Variants in PPP3CC observed in about 807,000 individuals in gnomAD.
PPP3CC encodes serine/threonine-protein phosphatase 2B catalytic subunit gamma isoform.
Under a neutral mutation model 60.3 loss-of-function variants are expected in PPP3CC, and 35 were observed. That is an observed-to-expected ratio of 0.58 (90% confidence interval 0.44 to 0.77). The LOEUF (loss-of-function observed/expected upper bound fraction) is 0.77. Among genes scored for constraint, PPP3CC ranks in the 30% least tolerant of loss-of-function variants. The pLI is 0.00. For synonymous variants in PPP3CC, 206 were observed against 224.3 expected, an observed-to-expected ratio of 0.92 and a Z score of 0.73; for missense variants, 570 against 628.9, an observed-to-expected ratio of 0.91 and a Z score of 1.00.
At chr8:22,507,150 A>G (rs1838950213) in intron 4 of PPP3CC, among the ~76,000 whole-genome samples, 1 of 151,996 alleles carries the variant, frequency 6.6e-6, no homozygotes, top group African/African-American at 2.4e-5. Context: ...AATAAAGCAA[A>G]TAAAAATTGA....
Position 22,540,701 on chromosome 8 carries a change from CG to C in PPP3CC, c.1439del (p.Arg480GlnfsTer11), listed in dbSNP as rs749230577. On this transcript the variant is annotated frameshift_variant, in exon 14 of 14. Transcript: ENST00000240139. LOFTEE classifies it low-confidence loss of function (END_TRUNC). ...LDRINERMPP[R>X]KDSIHAGGPM... ...CCGAATTAATGAGCGAATGCCACCC[CG>C]AAAGGATAGCATACACGCTGGTGGG... 18 of 1,614,082 alleles carry C rather than the reference CG, an allele frequency of 1.1e-5. No homozygotes were observed. In the Admixed American group the frequency reaches 3.0e-4, roughly 27 times the overall value.
chr8:22,499,441 G>A (rs1270818282), intron 4 of PPP3CC, among the ~76,000 whole-genome samples: 2 of 146,542 alleles, frequency 1.4e-5, no homozygotes, highest in Non-Finnish European at 3.0e-5. Context: ...GCAAGACTCC[G>A]TCTCAAAAAA....
intron 1 of PPP3CC, among the ~76,000 whole-genome samples, chr8:22,456,118 T>C (rs926608899): frequency 1.3e-5 from 2 of 152,160 alleles, no homozygotes; most frequent in African/African-American, 4.8e-5. Context: ...TGAACAGACA[T>C]AGCTATTTAG....
At chr8:22,444,380 C>A (rs1836764356) in intron 1 of PPP3CC, among the ~76,000 whole-genome samples, 1 of 152,076 alleles carries the variant, frequency 6.6e-6, no homozygotes, top group South Asian at 2.1e-4. Flanking sequence ...TACTTTGAGA[C>A]ATGATAATAG....
chr8:22,459,183 C>T (rs909119714), intron 1 of PPP3CC, among the ~76,000 whole-genome samples: 25 of 151,916 alleles, frequency 1.6e-4, no homozygotes, highest in Middle Eastern at 6.8e-3. Context: ...CGTTCCGCCT[C>T]CACCTACACC....
intron 3 of PPP3CC, among the ~76,000 whole-genome samples, chr8:22,494,864 A>C (rs1838516506): frequency 6.6e-6 from 1 of 152,214 alleles, no homozygotes. Flanking sequence ...TTTTTTATGT[A>C]CAAAGTAGAT....
At chr8:22,489,002 G>C (rs550358020) in intron 3 of PPP3CC, among the ~76,000 whole-genome samples, 2 of 152,044 alleles carry the variant, frequency 1.3e-5, no homozygotes. Context: ...GTGCATTTGG[G>C]TTTTATTCTG....
intron 8 of PPP3CC, among the ~76,000 whole-genome samples, chr8:22,525,552 C>CTT (rs1839535473): frequency 2.4e-5 from 3 of 122,506 alleles, no homozygotes; most frequent in Non-Finnish European, 5.2e-5. Context: ...CCCTCTCTCT[C>CTT]TCTCTCTTTC....
rs767818391 is a variant in PPP3CC at position 22,441,416 on chromosome 8, G to C, written c.7G>C (p.Gly3Arg). 3.2e-6 allele frequency: 5 copies of C among 1,545,674 alleles called. No individual in the cohort carries two copies. Among genetic ancestry groups the C allele is most frequent in the South Asian group, 1.2e-5 (1 of 82,868 alleles). The change falls in exon 1 of 14, where the codon GGG becomes CGG. Residue 3 changes from glycine to arginine, a missense_variant. Coordinates refer to ENST00000240139, the MANE Select transcript of PPP3CC (RefSeq NM_005605.5). ...GGAGGAGGCCGAGGGGACCATGTCC[G>C]GGAGGCGCTTCCACCTCTCCACCAC... Reference protein sequence around the residue: MSGRRFHLSTTDR... With the variant: MSRRRFHLSTTDR...
chr8:22,494,227 T>TG (rs1838494300), intron 3 of PPP3CC, among the ~76,000 whole-genome samples: 1 of 152,166 alleles, frequency 6.6e-6, no homozygotes, highest in South Asian at 2.1e-4. Flanking sequence ...TCCGCATGGC[T>TG]GGGGAGGCCT....
At chr8:22,447,008 T>C (rs1404788191) in intron 1 of PPP3CC, among the ~76,000 whole-genome samples, 1 of 151,712 alleles carries the variant, frequency 6.6e-6, no homozygotes, top group Non-Finnish European at 1.5e-5. Context: ...AATGCCCGTT[T>C]ATAGTTTTTT....
At chr8:22,524,591 T>A (rs1255525433) in intron 8 of PPP3CC, among the ~76,000 whole-genome samples, 1 of 152,234 alleles carries the variant, frequency 6.6e-6, no homozygotes, top group Admixed American at 6.5e-5. Context: ...TTATCAATGG[T>A]GTGGACTGTT....
At chr8:22,517,407 A>G (rs982854531) in intron 6 of PPP3CC, among the ~76,000 whole-genome samples, 5 of 151,248 alleles carry the variant, frequency 3.3e-5, no homozygotes, top group African/African-American at 9.7e-5. Context: ...TCTCTCTTCT[A>G]TTTTTTGGAA....
intron 8 of PPP3CC, among the ~76,000 whole-genome samples, chr8:22,523,114 A>G (rs1332071454): frequency 6.6e-6 from 1 of 152,152 alleles, no homozygotes; most frequent in African/African-American, 2.4e-5. Context: ...CACCATTGGT[A>G]TTTTAATCTT....
At chr8:22,526,606 G>A (rs1171634033) in intron 8 of PPP3CC, among the ~76,000 whole-genome samples, 1 of 152,112 alleles carries the variant, frequency 6.6e-6, no homozygotes, top group Non-Finnish European at 1.5e-5. Flanking sequence ...TGTCATTTCT[G>A]GAGAACTGTT....
chr8:22,456,116 C>T (rs1837187167), intron 1 of PPP3CC, among the ~76,000 whole-genome samples: 1 of 152,184 alleles, frequency 6.6e-6, no homozygotes, highest in Non-Finnish European at 1.5e-5. Context: ...AGTGAACAGA[C>T]ATAGCTATTT....
At chr8:22,483,896 A>T (rs1838145539) in intron 3 of PPP3CC, among the ~76,000 whole-genome samples, 1 of 152,150 alleles carries the variant, frequency 6.6e-6, no homozygotes, top group African/African-American at 2.4e-5. Flanking sequence ...ACTGGAGTGC[A>T]GTGGTGCAAT....
rs1839433724 is a variant in PPP3CC, at chr8:22,522,496, C to G, written c.776C>G (p.Pro259Arg). Reference protein sequence around the residue: ...VRGCSYFYSYPAVCEFLQNNN... With the variant: ...VRGCSYFYSYRAVCEFLQNNN... ...TTTCTAATTTTCTTTTCCAGTTACCCTGCAGTTTGTGAATTTTTGCAGAAC... is the reference window on the plus strand; with the variant it reads ...TTTCTAATTTTCTTTTCCAGTTACCGTGCAGTTTGTGAATTTTTGCAGAAC... The change falls in exon 7 of 14, where the codon CCT becomes CGT. Residue 259 changes from proline (P) to arginine (R), a missense_variant. By Grantham distance (103) the Pro-to-Arg change is moderately radical (BLOSUM62 -2). Coordinates refer to ENST00000240139, the MANE Select transcript of PPP3CC (RefSeq NM_005605.5). 1 of 1,607,884 alleles carries G rather than the reference C, an allele frequency of 6.2e-7. No homozygotes were observed. Among genetic ancestry groups the G allele is most frequent in the East Asian group, 2.2e-5 (1 of 44,796 alleles).
chr8:22,475,255 T>C, intron 2 of PPP3CC, 104 bp downstream of exon 2: 1 of 1,167,976 alleles, frequency 8.6e-7, no homozygotes, highest in South Asian at 1.5e-5. Context: ...TGGTAATTTT[T>C]CTAGAAATTA....
Sources: allele counts gnomAD v4.1 joint callset (sites outside exome capture counted in the v4.1 genomes callset), GRCh38; gene constraint gnomAD v4.1.1; transcripts MANE v1.5; gene names NCBI Gene and HGNC (gene_info 2026-07-23, HGNC 2026-07-21).